Variants in ARFGEF3 observed in about 807,000 individuals in gnomAD.
The protein encoded by ARFGEF3 is brefeldin A-inhibited guanine nucleotide-exchange protein 3.
In ARFGEF3, 96 loss-of-function variants were observed where a neutral mutation model predicts 221.7. The ratio of observed to expected loss-of-function variants is 0.43; its 90% CI spans 0.37 to 0.51. The LOEUF is 0.51. Ranked by LOEUF, ARFGEF3 falls within the 20% of genes least tolerant of loss-of-function variation. ARFGEF3 has a pLI of 0.00. For synonymous variants in ARFGEF3, 1,145 were observed against 1,126.8 expected (o/e 1.02, Z -0.32); for missense variants, 2,410 against 2,789.9 (o/e 0.86, Z 3.07).
intron 4 of ARFGEF3, chr6:138,216,665 TTTGTC>T (rs926351066): frequency 1.3e-5 from 2 of 152,242 alleles, no homozygotes; most frequent in Non-Finnish European, 2.9e-5. Context: ...AAATGGCTAA[TTTGTC>T]TTGCTGCTTA....
chr6:138,302,548 A>C (rs1484922025), intron 22 of ARFGEF3, among the ~76,000 whole-genome samples: 1 of 152,180 alleles, frequency 6.6e-6, no homozygotes, highest in Non-Finnish European at 1.5e-5. Context: ...GAAATAGTGG[A>C]ACCCCAATTA....
intron 3 of ARFGEF3, among the ~76,000 whole-genome samples, chr6:138,209,499 G>A (rs1333678470): frequency 6.6e-6 from 1 of 152,188 alleles, no homozygotes; most frequent in African/African-American, 2.4e-5. Flanking sequence ...TCCCAGGCTG[G>A]AGTGCAGTGG....
chr6:138,310,737 T>TAA (rs1397937542), intron 24 of ARFGEF3, among the ~76,000 whole-genome samples: 1 of 152,110 alleles, frequency 6.6e-6, no homozygotes, highest in African/African-American at 2.4e-5. Flanking sequence ...AAAATTATAA[T>TAA]AATTCAGTTA....
rs548399168 is a variant in ARFGEF3, at chr6:138,262,455, G to A, written c.1218-246G>A. The stretch of plus-strand genomic sequence containing the variant: ...GATCCGCCCACCTCAGCGTCCCAAA[G>A]TGCTGGGATTACAGGCGTGAGCCAC... On this transcript the variant is annotated intron_variant, in intron 11 of 33. Coordinates refer to ENST00000251691, the MANE Select transcript of ARFGEF3 (RefSeq NM_020340.5). Among the ~76,000 whole-genome samples the A allele has an allele frequency of 4.1e-4, 63 of 152,262 alleles. 1 individual carries two copies. The highest frequency in any genetic ancestry group is 3.4e-3 in the Middle Eastern group (1 of 294).
intron 3 of ARFGEF3, among the ~76,000 whole-genome samples, chr6:138,208,380 A>G (rs1352005122): frequency 8.3e-6 from 1 of 119,864 alleles, no homozygotes; most frequent in Non-Finnish European, 1.7e-5. Flanking sequence ...CATGATTCTG[A>G]AAAAAAAAAT....
intron 4 of ARFGEF3, among the ~76,000 whole-genome samples, chr6:138,211,247 G>A (rs1295665332): frequency 1.3e-5 from 2 of 152,218 alleles, no homozygotes; most frequent in African/African-American, 2.4e-5. Flanking sequence ...GCCTCCTGCT[G>A]CTGAATCAGA....
At chr6:138,194,292 T>C (rs751206261) in intron 2 of ARFGEF3, among the ~76,000 whole-genome samples, 4 of 147,322 alleles carry the variant, frequency 2.7e-5, no homozygotes, top group Non-Finnish European at 6.0e-5. Context: ...AAAAAGATAG[T>C]GATGGTATTT....
At chr6:138,194,554 T>G (rs1314710704) in intron 2 of ARFGEF3, among the ~76,000 whole-genome samples, 1 of 152,214 alleles carries the variant, frequency 6.6e-6, no homozygotes, top group African/African-American at 2.4e-5. Context: ...ATACTGTCAG[T>G]ATATCCACAC....
chr6:138,322,394 G>T (rs1780048700), intron 29 of ARFGEF3, among the ~76,000 whole-genome samples: 1 of 152,090 alleles, frequency 6.6e-6, no homozygotes, highest in Non-Finnish European at 1.5e-5. Context: ...CTCTCACGGG[G>T]TCCCTCCCAC....
intron 22 of ARFGEF3, among the ~76,000 whole-genome samples, chr6:138,304,108 G>A (rs1779677209): frequency 6.6e-6 from 1 of 152,074 alleles, no homozygotes; most frequent in South Asian, 2.1e-4. Context: ...GATTCCAACA[G>A]CTAATGAATA....
At chr6:138,229,583 T>G (rs1043206855) in intron 4 of ARFGEF3, among the ~76,000 whole-genome samples, 4 of 152,228 alleles carry the variant, frequency 2.6e-5, no homozygotes, top group African/African-American at 7.2e-5. Context: ...CAGCCTTTAT[T>G]TTTTACAGGA....
At chr6:138,286,462 AAAAAG>A (rs1779296184) in intron 15 of ARFGEF3, among the ~76,000 whole-genome samples, 1 of 151,976 alleles carries the variant, frequency 6.6e-6, no homozygotes, top group East Asian at 1.9e-4. Context: ...AAAAAAAAAA[AAAAAG>A]AAAAAGAAAA....
chr6:138,310,274 C>G (rs114228843), intron 24 of ARFGEF3, among the ~76,000 whole-genome samples: 391 of 152,326 alleles, frequency 2.6e-3, no homozygotes, highest in African/African-American at 8.9e-3. Flanking sequence ...TAATTCCCAC[C>G]TGCTTATTTC....
At chr6:138,275,857 T>C (rs1029109944) in intron 12 of ARFGEF3, among the ~76,000 whole-genome samples, 2 of 152,178 alleles carry the variant, frequency 1.3e-5, no homozygotes, top group Non-Finnish European at 2.9e-5. Flanking sequence ...ACATTCTAGC[T>C]GTAAATTTGT....
chr6:138,298,713 C>G lies in ARFGEF3; in HGVS notation c.3756C>G (p.Phe1252Leu). 1 of 1,613,630 alleles carries G rather than the reference C, an allele frequency of 6.2e-7. No homozygotes were observed. The highest frequency in any genetic ancestry group is 2.2e-5 in the East Asian group (1 of 44,878). The change falls in exon 22 of 34, where the codon TTC becomes TTG. Residue 1252 changes from phenylalanine to leucine, a missense_variant. Around this residue, in one of 5 missense-constraint regions of ARFGEF3, gnomAD observed 723 missense variants for 991.9 expected, o/e 0.73. Transcript: ENST00000251691. The part of the protein sequence containing the change: ...TDWNEPPHFH[F>L]NEALFRPFER... ...GGAATGAGCCACCTCATTTTCACTT[C>G]AATGAAGCACTCTTCCGACCTTTCG...
chr6:138,312,779 A>C (rs1308491101), intron 25 of ARFGEF3, among the ~76,000 whole-genome samples: 2 of 152,150 alleles, frequency 1.3e-5, no homozygotes, highest in African/African-American at 4.8e-5. Flanking sequence ...GCATGATCTC[A>C]GCTCACTACA....
At chr6:138,223,652 A>G (rs576668698) in intron 4 of ARFGEF3, among the ~76,000 whole-genome samples, 1 of 152,292 alleles carries the variant, frequency 6.6e-6, no homozygotes, top group Admixed American at 6.5e-5. Flanking sequence ...TGCCCACCAT[A>G]TGGCATAGGG....
chr6:138,255,868 G>T, intron 10 of ARFGEF3, 99 bp downstream of exon 10: 2 of 1,014,248 alleles, frequency 2.0e-6, no homozygotes, highest in Non-Finnish European at 2.8e-6. Flanking sequence ...ATCACTTGCC[G>T]GAACTTCATT....
rs1780018234 is a variant in ARFGEF3 at position 138,321,028 on chromosome 6, T to C, written c.4652-83T>C. 3 of 756,014 alleles carry C rather than the reference T, an allele frequency of 4.0e-6. No individual in the cohort carries two copies. In the Admixed American group the frequency reaches 7.9e-5, roughly 20 times the overall value. 46.8% of individuals were successfully genotyped at this position (756,014 alleles called of 1,614,324 possible). A position where few individuals can be genotyped will look rare whatever the true frequency, so the allele number is the denominator to read the frequency against. On this transcript the variant is annotated intron_variant, in intron 28 of 33. Transcript: ENST00000251691. ...AGATATTTGCTTATCATTCAGACTT[T>C]CCTCTGTTGCTATAGATGGCCATTT... is the stretch of plus-strand genomic sequence containing the variant.
Sources: allele counts gnomAD v4.1 joint callset (sites outside exome capture counted in the v4.1 genomes callset), GRCh38; gene constraint gnomAD v4.1.1; regional missense constraint gnomAD v4.1.1; transcripts MANE v1.5; gene names NCBI Gene and HGNC (gene_info 2026-07-23, HGNC 2026-07-21).